SPINK5: variants seen among roughly 807,000 people sequenced by gnomAD.
The protein encoded by SPINK5 is serine peptidase inhibitor Kazal type 5.
SPINK5 carries 125 observed loss-of-function variants against 151.8 expected under a neutral mutation model. The ratio of observed to expected loss-of-function variants is 0.82; its 90% confidence interval spans 0.71 to 0.96. SPINK5 has a LOEUF of 0.96. Among genes scored for constraint, SPINK5 ranks in the 40% least tolerant of loss-of-function variants. SPINK5 has a pLI of 0.00. For synonymous variants in SPINK5, 374 were observed against 395.3 expected (o/e 0.95, Z 0.64); for missense variants, 1,194 against 1,291.9 (o/e 0.92, Z 1.16).
At position 148,126,975 on chromosome 5, in the gene SPINK5, T is replaced by C. The variant is rs1488609956; in HGVS notation, c.2868-8T>C. On this transcript the variant is annotated splice_region_variant and splice_polypyrimidine_tract_variant and intron_variant, in intron 29 of 32. Transcript: ENST00000256084. ...TTATTTTAAATTATTTTTTATTTTC[T>C]TCTCTAGTCTAACAGAAGCTTTGGA... 2 of 1,601,188 alleles carry C rather than the reference T, an allele frequency of 1.2e-6. No individual in the cohort carries two copies. Among genetic ancestry groups the C allele is most frequent in the Non-Finnish European group, 1.7e-6 (2 of 1,171,994 alleles).
chr5:148,101,720 A>G (rs1753649366), intron 14 of SPINK5, 61 bp from the exon 15 acceptor site: 4 of 1,612,536 alleles, frequency 2.5e-6, no homozygotes, highest in South Asian at 2.2e-5. Context: ...AGCTTTAGCT[A>G]TTTTTGCAAT....
At chr5:148,065,939 G>A (rs1278056604) in intron 2 of SPINK5, among the ~76,000 whole-genome samples, 2 of 152,068 alleles carry the variant, frequency 1.3e-5, no homozygotes, top group East Asian at 3.9e-4. Context: ...AAATTAATAA[G>A]TAGCTTAGCA....
At position 148,091,210 on chromosome 5, in the gene SPINK5, T is replaced by C. The variant is rs1753299927; in HGVS notation, c.648T>C (p.Ile216=). ...ENAKREGETR[I]RRNAEKDFCK... Reference sequence around the variant, plus strand: ...CCAAGCGAGAGGGTGAAACTAGAATTCGACGAAATGCTGAAAAGGTAAAAT... The same window carrying C: ...CCAAGCGAGAGGGTGAAACTAGAATCCGACGAAATGCTGAAAAGGTAAAAT... Residue 216 remains isoleucine, a synonymous_variant, in exon 8 of 33, where the codon ATT becomes ATC. Transcript: ENST00000256084. 3.1e-6 allele frequency: 5 copies of C among 1,611,370 alleles called. No individual in the cohort carries two copies. In the South Asian group the frequency reaches 4.4e-5, roughly 14 times the overall value.
chr5:148,088,696 C>G lies in SPINK5; in HGVS notation c.474+91C>G. The G allele has an allele frequency of 1.2e-5, 16 of 1,286,004 alleles. No homozygotes were observed. The South Asian group carries it at 2.0e-4, about 16-fold the overall frequency. 79.7% of individuals were successfully genotyped at this position (1,286,004 alleles called of 1,614,324 possible). A position where few individuals can be genotyped will look rare whatever the true frequency, so the allele number is the denominator to read the frequency against. Reference sequence around the variant, plus strand: ...CTCCTCTTCCTTCTTAGGTGGGAGCCTTGGAAGGAATTAATTCTTGCTTTA... The same window carrying G: ...CTCCTCTTCCTTCTTAGGTGGGAGCGTTGGAAGGAATTAATTCTTGCTTTA... On this transcript the variant is annotated intron_variant, in intron 6 of 32. Coordinates refer to ENST00000256084, the MANE Select transcript of SPINK5 (RefSeq NM_006846.4).
rs765216337 is a variant in SPINK5 at position 148,111,915 on chromosome 5, TG to T, written c.1820+21del. 6.2e-7 allele frequency: 1 copy of T among 1,613,922 alleles called. No homozygotes were observed. Among genetic ancestry groups the T allele is most frequent in the Non-Finnish European group, 8.5e-7 (1 of 1,179,838 alleles). On this transcript the variant is annotated intron_variant, in intron 19 of 32. Transcript: ENST00000256084. ...CTTCTTGTGAGTGGGCGGCAGCCACTGCTGCTACTGAGTGTGGGAGAAGATC... is the reference window on the plus strand; with the variant it reads ...CTTCTTGTGAGTGGGCGGCAGCCACTCTGCTACTGAGTGTGGGAGAAGATC...
chr5:148,113,699 T>A (rs1259694606), intron 20 of SPINK5, among the ~76,000 whole-genome samples: 1 of 151,948 alleles, frequency 6.6e-6, no homozygotes, highest in African/African-American at 2.4e-5. Flanking sequence ...ACTCTGTATG[T>A]TTGGCTTGTT....
intron 19 of SPINK5, 31 bp downstream of exon 19, chr5:148,111,926 A>G: frequency 6.2e-7 from 1 of 1,613,748 alleles, no homozygotes; most frequent in Non-Finnish European, 8.5e-7. Context: ...GCTGCTACTG[A>G]GTGTGGGAGA....
intron 6 of SPINK5, 71 bp downstream of exon 6, chr5:148,088,676 C>T: frequency 6.9e-7 from 1 of 1,444,712 alleles, no homozygotes; most frequent in Non-Finnish European, 9.7e-7. Context: ...GTGCTCTCCT[C>T]TTCCTTCTTA....
intron 29 of SPINK5, 132 bp downstream of exon 29, chr5:148,125,982 C>T: frequency 7.4e-7 from 1 of 1,359,498 alleles, no homozygotes; most frequent in East Asian, 2.3e-5. Context: ...TTAAAGCCCT[C>T]AAATTGAGAA....
chr5:148,132,242 A>G (rs997006852), intron 31 of SPINK5, among the ~76,000 whole-genome samples: 3 of 152,096 alleles, frequency 2.0e-5, no homozygotes, highest in African/African-American at 4.8e-5. Flanking sequence ...TTTCAAGGAG[A>G]GAATGGTGAC....
chr5:148,104,804 G>A (rs1690300479), intron 15 of SPINK5, 148 bp from the exon 16 acceptor site: 1 of 612,718 alleles, frequency 1.6e-6, no homozygotes, highest in South Asian at 1.9e-5. Context: ...GCTGAGGCAG[G>A]AGAATTGCTT....
Position 148,100,456 on chromosome 5 carries a change from G to C in SPINK5, c.1095G>C (p.Glu365Asp). The C allele has an allele frequency of 1.2e-6, 2 of 1,611,544 alleles. No homozygotes were observed. Among genetic ancestry groups the C allele is most frequent in the East Asian group, 4.5e-5 (2 of 44,804 alleles). The change falls in exon 13 of 33, where the codon GAG becomes GAC. Residue 365 changes from glutamate (E) to aspartate (D), a missense_variant and splice_region_variant. By Grantham distance (45) the Glu-to-Asp change is conservative. Transcript: ENST00000256084. ...RESGKATSYA[E>D]LCSEYRKLVR... ...ACTTACTTCTTCTATCTCGGCAGGA[G>C]CTTTGCAGTGAATATCGAAAGCTTG...
At chr5:148,102,186 TAG>T (rs1753665641) in intron 15 of SPINK5, among the ~76,000 whole-genome samples, 1 of 151,940 alleles carries the variant, frequency 6.6e-6, no homozygotes, top group Non-Finnish European at 1.5e-5. Flanking sequence ...TAACTCATAG[TAG>T]AGAGTAGGAT....
At chr5:148,086,143 T>G (rs1343177736) in intron 4 of SPINK5, among the ~76,000 whole-genome samples, 1 of 151,924 alleles carries the variant, frequency 6.6e-6, no homozygotes, top group Non-Finnish European at 1.5e-5. Flanking sequence ...ATGCCAAGTT[T>G]CAGAGTGGTG....
intron 12 of SPINK5, among the ~76,000 whole-genome samples, chr5:148,100,168 G>T (rs896905669): frequency 6.6e-6 from 1 of 151,794 alleles, no homozygotes; most frequent in African/African-American, 2.4e-5. Flanking sequence ...AGATTTTATT[G>T]TACCCTGTAT....
At position 148,114,370 on chromosome 5, in the gene SPINK5, C is replaced by T. The variant is rs764541508; in HGVS notation, c.1896C>T (p.Cys632=). ...KVKREAEKET[C]DEFRRLLQNG... is the part of the protein sequence containing the mutation. ...TTTTCTTTTCCTTTTAGGAGACATG[C>T]GATGAATTTCGGAGACTTTTGCAAA... Residue 632 remains cysteine (C), a synonymous_variant, in exon 21 of 33, where the codon TGC becomes TGT. Transcript: ENST00000256084. 3.7e-5 allele frequency: 59 copies of T among 1,611,370 alleles called. No individual in the cohort carries two copies. Among genetic ancestry groups the T allele is most frequent in the Middle Eastern group, 1.6e-4 (1 of 6,070 alleles).
intron 26 of SPINK5, 113 bp downstream of exon 26, chr5:148,120,504 C>G (rs773383979): frequency 6.8e-6 from 9 of 1,332,650 alleles, no homozygotes; most frequent in Admixed American, 5.9e-5. Context: ...GGTGATATAA[C>G]GGTAAACAAT....
chr5:148,077,032 A>C (rs559107772), intron 4 of SPINK5, among the ~76,000 whole-genome samples: 1 of 151,572 alleles, frequency 6.6e-6, no homozygotes, highest in Non-Finnish European at 1.5e-5. Context: ...GAGGTGAGAG[A>C]AAAAGGAATA....
chr5:148,088,234 A>G lies in SPINK5; in HGVS notation c.411-308A>G, dbSNP rs534438747. Among the ~76,000 whole-genome samples the G allele has an allele frequency of 2.6e-4, 39 of 151,962 alleles. No individual in the cohort carries two copies. The South Asian group carries it at 8.1e-3, about 31-fold the overall frequency. On this transcript the variant is annotated intron_variant, in intron 5 of 32. Transcript: ENST00000256084. ...CCTTGGGTGCTGAGTGTTATCTATT[A>G]TCCAGTTACAAGCTTTACTTTTCCC...
Sources: allele counts gnomAD v4.1 joint callset (sites outside exome capture counted in the v4.1 genomes callset), GRCh38; gene constraint gnomAD v4.1.1; transcripts MANE v1.5; gene names NCBI Gene and HGNC (gene_info 2026-07-23, HGNC 2026-07-21).